The following MBD5 variants were observed in gnomAD, a reference collection of about 807,000 sequenced individuals.
The protein encoded by MBD5 is methyl-CpG-binding domain protein 5.
MBD5 carries 13 observed loss-of-function variants against 117.3 expected under a neutral mutation model. The observed-to-expected ratio is 0.11, with a 90% CI of 0.07 to 0.18. The LOEUF is 0.18. Among genes scored for constraint, MBD5 ranks in the 10% least tolerant of loss-of-function variants. MBD5 has a pLI of 1.00. For synonymous variants in MBD5, 727 were observed against 766.4 expected, an observed-to-expected ratio of 0.95 and a Z score of 0.85; for missense variants, 1,879 against 2,093.8, an observed-to-expected ratio of 0.90 and a Z score of 2.00.
At chr2:148,452,247 G>C (rs1290342108) in intron 4 of MBD5, among the ~76,000 whole-genome samples, 1 of 152,100 alleles carries the variant, frequency 6.6e-6, no homozygotes, top group Middle Eastern at 3.2e-3. Context: ...TGTAATCCTA[G>C]CACTTTGGAA....
intron 2 of MBD5, among the ~76,000 whole-genome samples, chr2:148,210,990 T>G (rs1379361561): frequency 2.0e-5 from 3 of 152,190 alleles, no homozygotes; most frequent in Non-Finnish European, 4.4e-5. Flanking sequence ...ATTTTTCTCC[T>G]TATCCATTGC....
chr2:148,152,894 A>G (rs1399903477), intron 1 of MBD5, among the ~76,000 whole-genome samples: 1 of 151,896 alleles, frequency 6.6e-6, no homozygotes, highest in Non-Finnish European at 1.5e-5. Flanking sequence ...TCTTTATCCA[A>G]TTTGCCAGTC....
chr2:148,380,550 C>A (rs1704107524), intron 4 of MBD5, among the ~76,000 whole-genome samples: 1 of 152,114 alleles, frequency 6.6e-6, no homozygotes, highest in Non-Finnish European at 1.5e-5. Flanking sequence ...TAGACAAAAA[C>A]TAAACATGTA....
intron 4 of MBD5, among the ~76,000 whole-genome samples, chr2:148,414,540 G>T (rs1705363627): frequency 1.3e-5 from 2 of 152,238 alleles, no homozygotes; most frequent in African/African-American, 2.4e-5. Context: ...TTGGTGATCT[G>T]CCTAGTACTG....
chr2:148,468,892 T>G lies in MBD5; in HGVS notation c.949T>G (p.Phe317Val). 1 of 1,613,910 alleles carries G rather than the reference T, an allele frequency of 6.2e-7. No individual in the cohort carries two copies. The highest frequency in any genetic ancestry group is 8.5e-7 in the Non-Finnish European group (1 of 1,179,918). The change falls in exon 8 of 14, where the codon TTT becomes GTT. Residue 317 changes from phenylalanine (F) to valine (V), a missense_variant. Physicochemically the swap from Phe to Val is conservative, Grantham distance 50 (BLOSUM62 -1). Around this residue, in one of 4 missense-constraint regions of MBD5, gnomAD observed 1,666 missense variants for 1,792.2 expected, o/e 0.93. Coordinates refer to ENST00000642680, the MANE Select transcript of MBD5 (RefSeq NM_001378120.1). Reference sequence around the variant, plus strand: ...AGTAATGAAAAAACCAATGTGTAATTTTTCAACTAATATGGAAATACCACG... The same window carrying G: ...AGTAATGAAAAAACCAATGTGTAATGTTTCAACTAATATGGAAATACCACG... ...SPVMKKPMCN[F>V]STNMEIPRAM...
intron 12 of MBD5, 67 bp downstream of exon 12, chr2:148,502,576 G>C: frequency 6.9e-7 from 1 of 1,458,188 alleles, no homozygotes; most frequent in South Asian, 1.2e-5. Context: ...CCATCAAAGG[G>C]ACAATGAAAT....
intron 1 of MBD5, chr2:148,070,831 A>T (rs1265853287): frequency 1.3e-5 from 2 of 151,982 alleles, no homozygotes; most frequent in Non-Finnish European, 2.9e-5. Context: ...ATAATACCAT[A>T]AATTAAGCAT....
At chr2:148,242,506 T>C (rs1167741704) in intron 3 of MBD5, among the ~76,000 whole-genome samples, 2 of 152,172 alleles carry the variant, frequency 1.3e-5, no homozygotes, top group African/African-American at 2.4e-5. Context: ...TTTTCTCTTC[T>C]GGGTACACTT....
rs188252385 is a variant in MBD5, at chr2:148,310,357, C to T, written c.-679-31857C>T. Among the ~76,000 whole-genome samples the T allele has an allele frequency of 3.3e-5, 5 of 152,222 alleles. No individual in the cohort carries two copies. The East Asian group carries it at 9.6e-4, about 29-fold the overall frequency. On this transcript the variant is annotated intron_variant, in intron 3 of 13. Transcript: ENST00000642680. ...GCTCTATTCAGGGATTCGACTTCTT[C>T]CTAATTTAGTCTTGGGAAGGTGTAT...
intron 2 of MBD5, among the ~76,000 whole-genome samples, chr2:148,197,981 A>C (rs1699040203): frequency 6.6e-6 from 1 of 151,376 alleles, no homozygotes; most frequent in African/African-American, 2.4e-5. Flanking sequence ...TGCCCAGCTA[A>C]TTGTTGTGTT....
intron 1 of MBD5, among the ~76,000 whole-genome samples, chr2:148,119,231 CGTT>C (rs913170583): frequency 6.6e-5 from 10 of 151,946 alleles, no homozygotes; most frequent in Admixed American, 5.9e-4. Flanking sequence ...AATGGTATCT[CGTT>C]GTTTTGATTC....
intron 4 of MBD5, among the ~76,000 whole-genome samples, chr2:148,436,120 G>A (rs1706150608): frequency 6.6e-6 from 1 of 152,134 alleles, no homozygotes; most frequent in Non-Finnish European, 1.5e-5. Context: ...GGGTGTCATG[G>A]ATTTATGATA....
At chr2:148,265,138 T>C (rs1200896689) in intron 3 of MBD5, 2 of 152,124 alleles carry the variant, frequency 1.3e-5, no homozygotes, top group Non-Finnish European at 2.9e-5. Context: ...ATTAAATTTG[T>C]AACAGCATGG....
chr2:148,375,963 T>C (rs142622934), intron 4 of MBD5, among the ~76,000 whole-genome samples: 50 of 151,996 alleles, frequency 3.3e-4, no homozygotes, highest in African/African-American at 1.2e-3. Flanking sequence ...CTTAGCACTA[T>C]TGACATTTTA....
chr2:148,253,231 A>G (rs1453318), intron 3 of MBD5, among the ~76,000 whole-genome samples: 45,637 of 152,030 alleles, frequency 0.3, 7,353 homozygotes, highest in South Asian at 0.43. Context: ...AAAGAATTGA[A>G]ATATATTGAC....
chr2:148,476,769 G>A (rs1243160927), intron 8 of MBD5, among the ~76,000 whole-genome samples: 2 of 152,080 alleles, frequency 1.3e-5, no homozygotes, highest in African/African-American at 4.8e-5. Flanking sequence ...CAGATAAAAC[G>A]GTATAGTAGA....
chr2:148,227,811 C>T (rs1029675061), intron 2 of MBD5, among the ~76,000 whole-genome samples: 3 of 152,104 alleles, frequency 2.0e-5, no homozygotes, highest in Admixed American at 6.5e-5. Context: ...TTGTAGTTCT[C>T]CTTGAAGAGG....
chr2:148,027,496 C>T (rs897751760), intron 1 of MBD5: 1 of 151,874 alleles, frequency 6.6e-6, no homozygotes, highest in African/African-American at 2.4e-5. Context: ...TAAATTTATA[C>T]AGGTTGAGTA....
intron 4 of MBD5, among the ~76,000 whole-genome samples, chr2:148,357,916 G>A (rs1559038234): frequency 1.3e-5 from 2 of 151,928 alleles, no homozygotes; most frequent in African/African-American, 2.4e-5. Context: ...TCTCCCTGCT[G>A]TCCTCTTACC....
Sources: allele counts gnomAD v4.1 joint callset (sites outside exome capture counted in the v4.1 genomes callset), GRCh38; gene constraint gnomAD v4.1.1; regional missense constraint gnomAD v4.1.1; transcripts MANE v1.5; gene names NCBI Gene and HGNC (gene_info 2026-07-23, HGNC 2026-07-21).